Variants in COX19 observed in about 807,000 individuals in gnomAD.
The protein encoded by COX19 is cytochrome c oxidase assembly factor COX19.
A neutral mutation model predicts 6.8 loss-of-function variants in COX19; 8 were observed. That is an observed-to-expected ratio of 1.18 (90% CI 0.69 to 2.12). COX19 has a LOEUF of 2.12. COX19 is among the 30% of genes most tolerant of loss of function. The probability of loss-of-function intolerance (pLI) is 0.00; values close to 1 mark genes in which losing one functional copy is unlikely to be tolerated. For synonymous variants in COX19, 51 were observed against 38.0 expected (o/e 1.34, Z -1.26); for missense variants, 131 against 104.6 (o/e 1.25, Z -1.10).
In COX19 at chr7:967,095, G is replaced by C. The variant is rs1025442981; in HGVS notation, c.*2283C>G. 2.0e-5 allele frequency: 3 copies of C among 152,206 alleles called. No homozygotes were observed. Among genetic ancestry groups the C allele is most frequent in the African/African-American group, 7.2e-5 (3 of 41,446 alleles). 9.4% of individuals were successfully genotyped at this position (152,206 alleles called of 1,614,324 possible). A position where few individuals can be genotyped will look rare whatever the true frequency, so the allele number is the denominator to read the frequency against. The stretch of plus-strand genomic sequence containing the variant: ...TATAAGAAAAACAGCCAGATGCCGA[G>C]GTTGCTAAGATCTCCGGTAAGAACA... On this transcript the variant is annotated 3_prime_UTR_variant, in exon 3 of 3. Transcript: ENST00000344111.
intron 2 of COX19, 70 bp downstream of exon 2, chr7:973,105 TAATGGC>T (rs1847657183): frequency 2.1e-6 from 2 of 946,022 alleles, no homozygotes; most frequent in Admixed American, 3.2e-5. Flanking sequence ...AGACACACTG[TAATGGC>T]CTTTCAGGAA....
chr7:965,239 T>A lies in COX19; in HGVS notation c.*4139A>T, dbSNP rs190027195. 2.6e-3 allele frequency among the ~76,000 whole-genome samples: 386 copies of A among 148,352 alleles called. 2 individuals are homozygous for A. Among genetic ancestry groups the A allele is most frequent in the Middle Eastern group, 3.4e-3 (1 of 294 alleles). The stretch of plus-strand genomic sequence containing the variant: ...CACTATAGTTTCATACAAAGCATAT[T>A]TTTTTTTCCTCATTTCAAAATAATT... On this transcript the variant is annotated 3_prime_UTR_variant, in exon 3 of 3. Transcript: ENST00000344111.
At position 968,854 on chromosome 7, in the gene COX19, GA is replaced by G. The variant is rs1414943202; in HGVS notation, c.*523del. ...GCTACTTGGTGTTCAGGCAAAACCA[GA>G]AAGAATCAAGAAGTCAATCCATCCA... On this transcript the variant is annotated 3_prime_UTR_variant, in exon 3 of 3. Coordinates refer to ENST00000344111, the MANE Select transcript of COX19 (RefSeq NM_001031617.3). 6.6e-6 allele frequency: 1 copy of G among 151,368 alleles called. No homozygotes were observed. Among genetic ancestry groups the G allele is most frequent in the Non-Finnish European group, 1.5e-5 (1 of 68,046 alleles). The allele number at this position is 151,368 out of a possible 1,614,324, so 9.4% of individuals were successfully genotyped here. A position where few individuals can be genotyped will look rare whatever the true frequency, so the allele number is the denominator to read the frequency against.
rs569504409 is a variant in COX19, at chr7:973,250, T to G, written c.125A>C (p.His42Pro). 1.1e-5 allele frequency: 17 copies of G among 1,601,036 alleles called. No homozygotes were observed. Among genetic ancestry groups the G allele is most frequent in the Non-Finnish European group, 1.4e-5 (16 of 1,175,304 alleles). The change falls in exon 2 of 3, where the codon CAT becomes CCT. Residue 42 changes from histidine (H) to proline (P), a missense_variant. His to Pro is a moderately conservative substitution (Grantham distance 77). Coordinates refer to ENST00000344111, the MANE Select transcript of COX19 (RefSeq NM_001031617.3). ...CAAAGCATTTTCAAAATTATTGTTA[T>G]GAAGACACTTCATGAATTTCTCTTT... ...SFKEKFMKCLHNNNFENALCR... is the reference protein window; with the variant it reads ...SFKEKFMKCLPNNNFENALCR...
In COX19 at chr7:969,446, G is replaced by C; in HGVS notation, c.205C>G (p.Leu69Val). 1 of 1,606,304 alleles carries C rather than the reference G, an allele frequency of 6.2e-7. No individual in the cohort carries two copies. The highest frequency in any genetic ancestry group is 8.5e-7 in the Non-Finnish European group (1 of 1,173,162). ...LECRMERKLM[L>V]QEPLEKLGFG... ...CCCAGTTTCTCCAATGGTTCTTGTA[G>C]CATCAATTTTCTAAAAGAAAAAGAG... Residue 69 changes from leucine to valine, a missense_variant, in exon 3 of 3, where the codon CTA (leucine) becomes GTA (valine). Coordinates refer to ENST00000344111, the MANE Select transcript of COX19 (RefSeq NM_001031617.3).
Position 973,193 on chromosome 7 carries a change from C to T in COX19, c.182G>A (p.Cys61Tyr). Reference sequence around the variant, plus strand: ...TAGCTGTACTCACCTCTCCATCCTGCATTCTAAATATTCTTTTGATTCCTT... The same window carrying T: ...TAGCTGTACTCACCTCTCCATCCTGTATTCTAAATATTCTTTTGATTCCTT... The part of the protein sequence containing the change: ...CRKESKEYLE[C>Y]RMERKLMLQE... The change falls in exon 2 of 3, where the codon TGC becomes TAC. Residue 61 changes from cysteine (C) to tyrosine (Y), a missense_variant. Coordinates refer to ENST00000344111, the MANE Select transcript of COX19 (RefSeq NM_001031617.3). 17 of 1,595,996 alleles carry T rather than the reference C, an allele frequency of 1.1e-5. No individual in the cohort carries two copies. Among genetic ancestry groups the T allele is most frequent in the Non-Finnish European group, 1.5e-5 (17 of 1,171,840 alleles).
Position 967,857 on chromosome 7 carries a change from C to A in COX19, c.*1521G>T, listed in dbSNP as rs193092351. The A allele has an allele frequency of 6.6e-6, 1 of 152,426 alleles. No homozygotes were observed. The highest frequency in any genetic ancestry group is 1.5e-5 in the Non-Finnish European group (1 of 68,042). 9.4% of individuals were successfully genotyped at this position (152,426 alleles called of 1,614,324 possible). On this transcript the variant is annotated 3_prime_UTR_variant, in exon 3 of 3. Transcript: ENST00000344111. ...ACGCCATATAGCCGCACTGCGTTGGCGAGCTCATGGCACGTGGCCACACCG... is the reference window on the plus strand; with the variant it reads ...ACGCCATATAGCCGCACTGCGTTGGAGAGCTCATGGCACGTGGCCACACCG...
At chr7:974,495 A>T (rs1230772472) in intron 1 of COX19, among the ~76,000 whole-genome samples, 1 of 152,172 alleles carries the variant, frequency 6.6e-6, no homozygotes, top group Non-Finnish European at 1.5e-5. Context: ...CAATGGAAAA[A>T]ACCCACAACG....
intron 1 of COX19, chr7:975,226 G>A: frequency 2.3e-6 from 1 of 434,210 alleles, no homozygotes; most frequent in Non-Finnish European, 4.1e-6. Flanking sequence ...TCGTCACGGG[G>A]GCCACGGTCC....
At chr7:973,434 C>T in intron 1 of COX19, 142 bp from the exon 2 acceptor site, 1 of 1,124,780 alleles carries the variant, frequency 8.9e-7, no homozygotes, top group Non-Finnish European at 1.2e-6. Flanking sequence ...GTAATCCCAG[C>T]ACTCTGAGAG....
At chr7:974,498 C>A (rs1847677312) in intron 1 of COX19, among the ~76,000 whole-genome samples, 1 of 152,082 alleles carries the variant, frequency 6.6e-6, no homozygotes, top group South Asian at 2.1e-4. Context: ...TGGAAAAAAC[C>A]CACAACGAGG....
chr7:973,094 A>C, intron 2 of COX19, 87 bp downstream of exon 2: 1 of 813,928 alleles, frequency 1.2e-6, no homozygotes. Flanking sequence ...AGGCCTGAAA[A>C]AGACACACTG....
In COX19 at chr7:965,664, T is replaced by C. The variant is rs1171350570; in HGVS notation, c.*3714A>G. 3.3e-5 allele frequency among the ~76,000 whole-genome samples: 5 copies of C among 152,230 alleles called. No homozygotes were observed. Among genetic ancestry groups the C allele is most frequent in the South Asian group, 2.1e-4 (1 of 4,834 alleles). On this transcript the variant is annotated 3_prime_UTR_variant, in exon 3 of 3. Coordinates refer to ENST00000344111, the MANE Select transcript of COX19 (RefSeq NM_001031617.3). ...CTTCATGGCAACTGAGGGTTTTTTTTTGAGACGGTTCTGTCGCCCAGGCTG... is the reference window on the plus strand; with the variant it reads ...CTTCATGGCAACTGAGGGTTTTTTTCTGAGACGGTTCTGTCGCCCAGGCTG...
intron 1 of COX19, chr7:975,154 G>A (rs769419138): frequency 5.1e-6 from 2 of 391,542 alleles, no homozygotes; most frequent in Middle Eastern, 6.2e-4. Flanking sequence ...ACAGCCCGCC[G>A]GGTGAGTCAG....
At chr7:974,566 C>T (rs1310556412) in intron 1 of COX19, among the ~76,000 whole-genome samples, 1 of 152,190 alleles carries the variant, frequency 6.6e-6, no homozygotes, top group Non-Finnish European at 1.5e-5. Context: ...CAGGAGAGTT[C>T]AGGGTAAAAA....
At chr7:975,175 G>C (rs980057458) in intron 1 of COX19, 1 of 420,726 alleles carries the variant, frequency 2.4e-6, no homozygotes, top group Non-Finnish European at 4.2e-6. Context: ...GGCGGAGCCG[G>C]AGACCCGGAA....
At position 969,323 on chromosome 7, in the gene COX19, T is replaced by A; in HGVS notation, c.*55A>T. On this transcript the variant is annotated 3_prime_UTR_variant, in exon 3 of 3. Transcript: ENST00000344111. ...TCAGCCAACCTAAGAGGCAGGATGA[T>A]GCCCTCCGTCCTGAGAGACCACTGA... 2 of 1,102,542 alleles carry A rather than the reference T, an allele frequency of 1.8e-6. No homozygotes were observed. Among genetic ancestry groups the A allele is most frequent in the South Asian group, 2.5e-5 (2 of 80,470 alleles). 68.3% of individuals were successfully genotyped at this position (1,102,542 alleles called of 1,614,324 possible).
At chr7:973,604 G>C (rs762944277) in intron 1 of COX19, among the ~76,000 whole-genome samples, 4 of 152,126 alleles carry the variant, frequency 2.6e-5, no homozygotes, top group African/African-American at 7.2e-5. Context: ...AAAGGATTTC[G>C]AGGCTGCAGT....
At chr7:973,820 G>T (rs1370139578) in intron 1 of COX19, among the ~76,000 whole-genome samples, 1 of 151,778 alleles carries the variant, frequency 6.6e-6, no homozygotes, top group Non-Finnish European at 1.5e-5. Flanking sequence ...ACAAAAATTA[G>T]CCGGGCATGG....
Sources: gnomAD v4.1 joint callset for allele counts (sites outside exome capture counted in the v4.1 genomes callset) on GRCh38, gnomAD v4.1.1 for gene constraint, MANE v1.5 for transcripts, NCBI Gene and HGNC (gene_info 2026-07-23, HGNC 2026-07-21) for gene names.